The following ZFP2 variants were observed in gnomAD, a reference collection of about 807,000 sequenced individuals.
The protein encoded by ZFP2 is ZFP2 zinc finger protein.
Under a neutral mutation model 36.1 loss-of-function variants are expected in ZFP2, and 33 were observed. The ratio of observed to expected loss-of-function variants is 0.92; its 90% CI spans 0.69 to 1.22. The LOEUF (loss-of-function observed/expected upper bound fraction) is 1.22, where lower values mean the gene tolerates loss of function less well. Ranked by LOEUF, ZFP2 falls within the 50% of genes most tolerant of loss-of-function variation. The probability of loss-of-function intolerance (pLI) is 0.00; values close to 1 mark genes in which losing one functional copy is unlikely to be tolerated. For synonymous variants in ZFP2, 170 were observed against 178.0 expected (o/e 0.96, Z 0.36); for missense variants, 522 against 551.4 (o/e 0.95, Z 0.53).
Position 178,918,274 on chromosome 5 carries a change from T to C in ZFP2, c.-78+1564T>C, listed in dbSNP as rs552705588. ...GTGTTCATAAAACCAGTTTGACTGC[T>C]ATATGGAGAGAATGCATTGTAGGGT... is the stretch of plus-strand genomic sequence containing the variant. On this transcript the variant is annotated intron_variant, in intron 4 of 4. Transcript: ENST00000361362. Among the ~76,000 whole-genome samples, 6 of 152,338 alleles carry C rather than the reference T, an allele frequency of 3.9e-5. No homozygotes were observed. In the East Asian group the frequency reaches 1.2e-3, roughly 29 times the overall value.
At chr5:178,917,888 C>T (rs7722159) in intron 4 of ZFP2, among the ~76,000 whole-genome samples, 32,909 of 152,104 alleles carry the variant, frequency 0.22, 3,927 homozygotes, top group Non-Finnish European at 0.25. Context: ...AAGACAGGCC[C>T]ACTGCTGCCT....
At chr5:178,921,550 G>C (rs1050257093) in intron 4 of ZFP2, among the ~76,000 whole-genome samples, 4 of 149,404 alleles carry the variant, frequency 2.7e-5, no homozygotes, top group Non-Finnish European at 4.5e-5. Flanking sequence ...CTTAAGTGCT[G>C]GGGTGCAATA....
intron 1 of ZFP2, among the ~76,000 whole-genome samples, chr5:178,901,641 A>G (rs903232435): frequency 1.8e-4 from 27 of 152,144 alleles, no homozygotes; most frequent in African/African-American, 6.0e-4. Flanking sequence ...ATTTGAGACA[A>G]CCTGTTTTCA....
At chr5:178,925,916 C>T (rs1438992965) in intron 4 of ZFP2, among the ~76,000 whole-genome samples, 2 of 149,040 alleles carry the variant, frequency 1.3e-5, no homozygotes, top group Non-Finnish European at 3.0e-5. Flanking sequence ...AGCATGATCA[C>T]GGCTCACTGC....
At chr5:178,896,566 A>G (rs1013889699) in intron 1 of ZFP2, among the ~76,000 whole-genome samples, 4 of 152,128 alleles carry the variant, frequency 2.6e-5, no homozygotes, top group Non-Finnish European at 5.9e-5. Context: ...CACAATAAGA[A>G]TGGGGAGGCC....
chr5:178,899,461 G>A (rs755542973), intron 1 of ZFP2, among the ~76,000 whole-genome samples: 8 of 152,178 alleles, frequency 5.3e-5, no homozygotes, highest in Admixed American at 1.3e-4. Context: ...AAGAGCCTGT[G>A]TATAGACTTT....
Position 178,931,771 on chromosome 5 carries a change from C to T in ZFP2, c.458C>T (p.Thr153Ile). 1 of 1,614,038 alleles carries T rather than the reference C, an allele frequency of 6.2e-7. No individual in the cohort carries two copies. Among genetic ancestry groups the T allele is most frequent in the Non-Finnish European group, 8.5e-7 (1 of 1,179,996 alleles). ...CTTACTGTACATCAAAGAATTCATA[C>T]TGGAGAGAAACCCTATAAATGTAAT... Reference protein sequence around the residue: ...SSLTVHQRIHTGEKPYKCNEC... With the variant: ...SSLTVHQRIHIGEKPYKCNEC... Residue 153 changes from threonine (T) to isoleucine (I), a missense_variant, in exon 5 of 5, where the codon ACT becomes ATT. Physicochemically the swap from Thr to Ile is moderately conservative, Grantham distance 89 (BLOSUM62 -1). Coordinates refer to ENST00000361362, the MANE Select transcript of ZFP2 (RefSeq NM_030613.4).
chr5:178,904,731 C>G (rs1229758503), intron 1 of ZFP2, among the ~76,000 whole-genome samples: 1 of 108,824 alleles, frequency 9.2e-6, no homozygotes, highest in Non-Finnish European at 1.7e-5. Flanking sequence ...GAGACAGAGT[C>G]TTGCTCTGTC....
chr5:178,916,325 T>C (rs1758430708), intron 3 of ZFP2, among the ~76,000 whole-genome samples: 1 of 152,276 alleles, frequency 6.6e-6, no homozygotes, highest in African/African-American at 2.4e-5. Flanking sequence ...AGCAAGCAAG[T>C]GAAGACTTTT....
chr5:178,919,532 ATAAT>A (rs1466400493), intron 4 of ZFP2, among the ~76,000 whole-genome samples: 1 of 152,212 alleles, frequency 6.6e-6, no homozygotes, highest in East Asian at 1.9e-4. Context: ...GCACTTTGAA[ATAAT>A]TAATCCACTT....
chr5:178,909,806 G>T, intron 1 of ZFP2: 3 of 1,593,076 alleles, frequency 1.9e-6, no homozygotes, highest in Non-Finnish European at 2.6e-6. Context: ...ACTCCACAAA[G>T]GTGTCGAAGA....
intron 1 of ZFP2, among the ~76,000 whole-genome samples, chr5:178,901,714 A>C (rs1469411631): frequency 1.3e-5 from 2 of 152,164 alleles, no homozygotes; most frequent in Admixed American, 6.5e-5. Flanking sequence ...TGGGGGACAC[A>C]GTTCATAACA....
Position 178,931,429 on chromosome 5 carries a change from C to A in ZFP2, c.116C>A (p.Thr39Asn). The A allele has an allele frequency of 6.2e-7, 1 of 1,614,070 alleles. No individual in the cohort carries two copies. Among genetic ancestry groups the A allele is most frequent in the South Asian group, 1.1e-5 (1 of 91,072 alleles). ...CAAGTGGGAGTTACCCATAAGGAAA[C>A]CTTCACTGAGATGAGAGTATGTGGA... ...LSQVGVTHKE[T>N]FTEMRVCGGN... is the part of the protein sequence containing the mutation. Residue 39 changes from threonine (T) to asparagine (N), a missense_variant, in exon 5 of 5, where the codon ACC becomes AAC. Thr to Asn is a moderately conservative substitution (Grantham distance 65). Coordinates refer to ENST00000361362, the MANE Select transcript of ZFP2 (RefSeq NM_030613.4).
intron 4 of ZFP2, among the ~76,000 whole-genome samples, chr5:178,917,687 A>G (rs1758469672): frequency 6.6e-6 from 1 of 152,204 alleles, no homozygotes; most frequent in African/African-American, 2.4e-5. Context: ...CCATGTAAAT[A>G]TATGTGTACA....
chr5:178,912,126 C>T (rs142688404), intron 1 of ZFP2, among the ~76,000 whole-genome samples: 45 of 152,152 alleles, frequency 3.0e-4, no homozygotes, highest in Non-Finnish European at 4.4e-4. Flanking sequence ...GAGCAAGACT[C>T]GGTCTCAAAA....
At chr5:178,919,110 T>C (rs1205311903) in intron 4 of ZFP2, among the ~76,000 whole-genome samples, 3 of 152,210 alleles carry the variant, frequency 2.0e-5, no homozygotes, top group African/African-American at 7.2e-5. Context: ...GGTTCTGTTA[T>C]TAGAGAGAAT....
Position 178,929,113 on chromosome 5 carries a change from C to G in ZFP2, c.-77-2124C>G, listed in dbSNP as rs560981085. Among the ~76,000 whole-genome samples the G allele has an allele frequency of 1.1e-3, 164 of 151,960 alleles. 3 individuals carry two copies. Among genetic ancestry groups the G allele is most frequent in the Admixed American group, 0.011 (164 of 15,264 alleles). ...AGTGTCCCAAGGCTGTGCAGGGCAC[C>G]GGGCCCTGGGCCTGGCCCAGGAAAC... is the stretch of plus-strand genomic sequence containing the variant. On this transcript the variant is annotated intron_variant, in intron 4 of 4. Transcript: ENST00000361362.
chr5:178,932,171 C>G lies in ZFP2; in HGVS notation c.858C>G (p.Thr286=). 1 of 1,613,204 alleles carries G rather than the reference C, an allele frequency of 6.2e-7. No individual in the cohort carries two copies. The highest frequency in any genetic ancestry group is 8.5e-7 in the Non-Finnish European group (1 of 1,179,452). ...GKAFSKSSTL[T]LHQRNHTGEK... is the part of the protein sequence containing the mutation. ...CCTTTAGTAAGAGCTCAACTCTTAC[C>G]CTACATCAGCGAAATCACACTGGAG... The change falls in exon 5 of 5, where the codon ACC becomes ACG. Residue 286 remains threonine, a synonymous_variant. Coordinates refer to ENST00000361362, the MANE Select transcript of ZFP2 (RefSeq NM_030613.4).
chr5:178,896,714 A>G (rs980800355), intron 1 of ZFP2, among the ~76,000 whole-genome samples: 1 of 152,242 alleles, frequency 6.6e-6, no homozygotes, highest in East Asian at 1.9e-4. Flanking sequence ...GGATATGTGT[A>G]TAAGCATAGA....
Sources: allele counts gnomAD v4.1 joint callset (sites outside exome capture counted in the v4.1 genomes callset), GRCh38; gene constraint gnomAD v4.1.1; transcripts MANE v1.5; gene names NCBI Gene and HGNC (gene_info 2026-07-23, HGNC 2026-07-21).